The following BLTP1 variants were observed in gnomAD, a reference collection of about 807,000 sequenced individuals.
BLTP1 encodes bridge-like lipid transfer protein family member 1.
the BLTP1 span, among the ~76,000 whole-genome samples, chr4:122,173,492 A>G: frequency 2.6e-5 from 4 of 152,188 alleles, no homozygotes; most frequent in Non-Finnish European, 5.9e-5. Context: ...CAAATGTCTC[A>G]CATCTCAAAT....
At chr4:122,347,630 C>T in the BLTP1 span, 1 of 1,613,862 alleles carries the variant, frequency 6.2e-7, no homozygotes, top group Non-Finnish European at 8.5e-7. Context: ...AGTCAGTCAG[C>T]CTCCTTCACC....
chr4:122,301,728 G>A, the BLTP1 span, among the ~76,000 whole-genome samples: 1 of 152,066 alleles, frequency 6.6e-6, no homozygotes, highest in African/African-American at 2.4e-5. Flanking sequence ...ACTCCCTTCT[G>A]ACGAACATTT....
At chr4:122,223,102 C>G in the BLTP1 span, 1 of 906,746 alleles carries the variant, frequency 1.1e-6, no homozygotes. Context: ...CTGGAGAAGT[C>G]AGGTGATTTT....
At chr4:122,229,740 A>C in the BLTP1 span, 1 of 962,210 alleles carries the variant, frequency 1.0e-6, no homozygotes, top group Non-Finnish European at 1.2e-6. Flanking sequence ...TTTTGTTTTT[A>C]TTTTGTTTAA....
At chr4:122,318,589 T>G in the BLTP1 span, among the ~76,000 whole-genome samples, 1 of 152,156 alleles carries the variant, frequency 6.6e-6, no homozygotes, top group African/African-American at 2.4e-5. Context: ...ACTCTTCTTT[T>G]TAGTCTCTAA....
At chr4:122,159,563 G>T in the BLTP1 span, among the ~76,000 whole-genome samples, 9,770 of 151,996 alleles carry the variant, frequency 0.064, 888 homozygotes, top group African/African-American at 0.21. Context: ...CTTTCACTTT[G>T]TTGTTGAATT....
At chr4:122,314,759 C>A in the BLTP1 span, among the ~76,000 whole-genome samples, 1 of 152,158 alleles carries the variant, frequency 6.6e-6, no homozygotes, top group Non-Finnish European at 1.5e-5. Context: ...ACAAATAAAT[C>A]TTCGTCAGGA....
the BLTP1 span, chr4:122,291,012 T>G: frequency 1.5e-6 from 1 of 653,766 alleles, no homozygotes; most frequent in Non-Finnish European, 1.9e-6. Context: ...TAAGCCTCTC[T>G]TAAGGTAGTT....
the BLTP1 span, among the ~76,000 whole-genome samples, chr4:122,266,305 A>G: frequency 6.6e-6 from 1 of 152,362 alleles, no homozygotes; most frequent in Middle Eastern, 3.4e-3. Context: ...ATGTTAAATG[A>G]CTATTACAAC....
At chr4:122,254,606 GC>G in the BLTP1 span, 2 of 890,612 alleles carry the variant, frequency 2.2e-6, no homozygotes, top group Non-Finnish European at 2.7e-6. Context: ...TCTCTGACAG[GC>G]TTTTTTTTTT....
the BLTP1 span, chr4:122,276,407 TAACAA>T: frequency 5.2e-6 from 5 of 958,434 alleles, no homozygotes; most frequent in African/African-American, 7.0e-5. Context: ...ATTAAAACAC[TAACAA>T]AACATCTGTA....
chr4:122,187,845 C>T, the BLTP1 span: 1 of 1,517,742 alleles, frequency 6.6e-7, no homozygotes, highest in Non-Finnish European at 8.7e-7. Flanking sequence ...GAAATATGGC[C>T]AGAATAGCAT....
the BLTP1 span, among the ~76,000 whole-genome samples, chr4:122,191,704 A>C: frequency 6.6e-6 from 1 of 152,136 alleles, no homozygotes; most frequent in Non-Finnish European, 1.5e-5. Flanking sequence ...AAAGAAGAGT[A>C]TTAAAAATTA....
At chr4:122,196,091 A>G in the BLTP1 span, among the ~76,000 whole-genome samples, 3 of 152,196 alleles carry the variant, frequency 2.0e-5, no homozygotes, top group East Asian at 3.8e-4. Context: ...TTAGAAATCT[A>G]TTGCTCTTTA....
chr4:122,157,710 T>C, the BLTP1 span, among the ~76,000 whole-genome samples: 2 of 151,908 alleles, frequency 1.3e-5, no homozygotes, highest in African/African-American at 4.8e-5. Flanking sequence ...GCTGGAAGGG[T>C]TTAATTCCAT....
At chr4:122,209,896 AAAAGCAG>A in the BLTP1 span, 1 of 1,613,558 alleles carries the variant, frequency 6.2e-7, no homozygotes, top group Non-Finnish European at 8.5e-7. Flanking sequence ...TTTATCCACA[AAAAGCAG>A]ATGAACAGCT....
At chr4:122,241,817 A>T in the BLTP1 span, among the ~76,000 whole-genome samples, 1 of 152,222 alleles carries the variant, frequency 6.6e-6, no homozygotes, top group South Asian at 2.1e-4. Context: ...CCTTGTGCAG[A>T]ATAGTACCTG....
At chr4:122,330,112 T>A in the BLTP1 span, among the ~76,000 whole-genome samples, 2 of 152,008 alleles carry the variant, frequency 1.3e-5, no homozygotes, top group Non-Finnish European at 2.9e-5. Context: ...CCACATTTTT[T>A]AATTCATTTG....
the BLTP1 span, chr4:122,350,354 T>TG: frequency 1.0e-6 from 1 of 985,268 alleles, no homozygotes; most frequent in South Asian, 4.7e-5. Flanking sequence ...TATCATGTTC[T>TG]GGTTTAGAAT....
Sources: allele counts gnomAD v4.1 joint callset (sites outside exome capture counted in the v4.1 genomes callset), GRCh38; gene constraint gnomAD v4.1.1; transcripts MANE v1.5; gene names NCBI Gene and HGNC (gene_info 2026-07-23, HGNC 2026-07-21).